Variants in ARHGAP24 observed in about 807,000 individuals in gnomAD.
The protein encoded by ARHGAP24 is Rho GTPase activating protein 24.
ARHGAP24 carries 50 observed loss-of-function variants against 76.4 expected under a neutral mutation model. The ratio of observed to expected loss-of-function variants is 0.65; its 90% CI spans 0.52 to 0.83. ARHGAP24 has a LOEUF of 0.83. ARHGAP24 is among the 40% of genes least tolerant of loss of function. The pLI, the probability that ARHGAP24 is intolerant of heterozygous loss-of-function variation, is 0.00. For missense variants in ARHGAP24, 930 were observed against 914.2 expected (o/e 1.02, Z -0.22); for synonymous variants, 345 against 323.3 (o/e 1.07, Z -0.72).
intron 3 of ARHGAP24, among the ~76,000 whole-genome samples, chr4:85,781,985 C>T (rs1037188031): frequency 7.1e-5 from 10 of 140,480 alleles, no homozygotes; most frequent in African/African-American, 2.7e-4. Flanking sequence ...TTCAGTGAGC[C>T]GAGATCACAC....
chr4:85,574,337 T>C (rs1727274579), intron 2 of ARHGAP24, among the ~76,000 whole-genome samples: 1 of 152,158 alleles, frequency 6.6e-6, no homozygotes, highest in South Asian at 2.1e-4. Flanking sequence ...ATGCTATGAG[T>C]ACACAGGTAC....
intron 1 of ARHGAP24, among the ~76,000 whole-genome samples, chr4:85,563,118 A>C (rs982507683): frequency 2.6e-5 from 4 of 152,168 alleles, no homozygotes; most frequent in African/African-American, 9.7e-5. Flanking sequence ...TGGAGCACAG[A>C]CTGAAATACA....
At chr4:85,775,093 C>A (rs565698934) in intron 3 of ARHGAP24, among the ~76,000 whole-genome samples, 111 of 152,098 alleles carry the variant, frequency 7.3e-4, no homozygotes, top group African/African-American at 2.6e-3. Context: ...TAAGGAAGAA[C>A]AAAAGATCAT....
intron 2 of ARHGAP24, among the ~76,000 whole-genome samples, chr4:85,651,780 A>T (rs980251901): frequency 7.9e-6 from 1 of 126,914 alleles, no homozygotes; most frequent in African/African-American, 3.2e-5. Flanking sequence ...AAGGCCATAT[A>T]TTTAATTAAA....
At chr4:85,536,139 C>CA (rs547074181) in intron 1 of ARHGAP24, among the ~76,000 whole-genome samples, 1,478 of 143,156 alleles carry the variant, frequency 0.01, 14 homozygotes, top group East Asian at 0.019. Flanking sequence ...TACTCCAGTA[C>CA]AAAAAAAAAA....
intron 1 of ARHGAP24, among the ~76,000 whole-genome samples, chr4:85,489,714 T>A (rs1319717770): frequency 1.3e-5 from 2 of 152,182 alleles, no homozygotes; most frequent in Non-Finnish European, 2.9e-5. Flanking sequence ...GAATACTAAA[T>A]ACTTAGATTT....
At chr4:85,500,981 T>C (rs1723787644) in intron 1 of ARHGAP24, among the ~76,000 whole-genome samples, 1 of 152,086 alleles carries the variant, frequency 6.6e-6, no homozygotes, top group African/African-American at 2.4e-5. Context: ...TTTGGTTTTC[T>C]GTCTTTGTGA....
chr4:85,854,416 T>C (rs1179648454), intron 3 of ARHGAP24, among the ~76,000 whole-genome samples: 1 of 152,192 alleles, frequency 6.6e-6, no homozygotes, highest in East Asian at 1.9e-4. Context: ...AAAATGATAA[T>C]GAGTAACATC....
chr4:85,744,896 G>A (rs1365679907), intron 3 of ARHGAP24, among the ~76,000 whole-genome samples: 3 of 152,144 alleles, frequency 2.0e-5, no homozygotes, highest in Non-Finnish European at 2.9e-5. Flanking sequence ...AATCATTAGA[G>A]GGAATTAGCC....
intron 4 of ARHGAP24, among the ~76,000 whole-genome samples, chr4:85,935,266 G>A (rs545915358): frequency 6.6e-6 from 1 of 152,298 alleles, no homozygotes; most frequent in South Asian, 2.1e-4. Flanking sequence ...TGCTGGGAAT[G>A]AGAAGGTAAA....
At chr4:85,715,149 A>G (rs1405348791) in intron 2 of ARHGAP24, among the ~76,000 whole-genome samples, 1 of 152,072 alleles carries the variant, frequency 6.6e-6, no homozygotes, top group Non-Finnish European at 1.5e-5. Flanking sequence ...AATCATCCTT[A>G]TCAACATCAA....
chr4:85,880,746 G>C (rs986610224), intron 3 of ARHGAP24, among the ~76,000 whole-genome samples: 161 of 152,240 alleles, frequency 1.1e-3, no homozygotes, highest in African/African-American at 3.6e-3. Context: ...AGCCAGGATG[G>C]TCTCGATCTC....
chr4:85,896,875 C>T (rs191819333), intron 3 of ARHGAP24, among the ~76,000 whole-genome samples: 184 of 152,254 alleles, frequency 1.2e-3, no homozygotes, highest in African/African-American at 4.1e-3. Flanking sequence ...CTATCATGCT[C>T]CCATAGTAGA....
At chr4:85,710,208 G>A (rs1163039340) in intron 2 of ARHGAP24, among the ~76,000 whole-genome samples, 3 of 151,960 alleles carry the variant, frequency 2.0e-5, no homozygotes, top group Admixed American at 2.0e-4. Flanking sequence ...GGTCGCACAC[G>A]TACAACCATC....
At position 85,805,869 on chromosome 4, in the gene ARHGAP24, T is replaced by TAATGTA. The variant is rs1362854522; in HGVS notation, c.268+83901_268+83906dup. Among the ~76,000 whole-genome samples the TAATGTA allele has an allele frequency of 2.6e-5, 4 of 152,192 alleles. No individual in the cohort carries two copies. The East Asian group carries it at 7.7e-4, about 29-fold the overall frequency. On this transcript the variant is annotated intron_variant, in intron 3 of 9. Transcript: ENST00000395184. ...TTCTTAACAAGCCTATTTGGAAATT[T>TAATGTA]AATGTAAATCAGGATCGTCTCTCTA...
intron 3 of ARHGAP24, among the ~76,000 whole-genome samples, chr4:85,838,153 T>G (rs1310086570): frequency 6.6e-6 from 1 of 152,202 alleles, no homozygotes; most frequent in Non-Finnish European, 1.5e-5. Context: ...GATGGGAAAT[T>G]GTGCAGATGA....
intron 5 of ARHGAP24, among the ~76,000 whole-genome samples, chr4:85,964,031 G>A (rs1279094696): frequency 6.6e-6 from 1 of 152,094 alleles, no homozygotes; most frequent in East Asian, 1.9e-4. Context: ...TATTGTGTTA[G>A]TGGAGGTGAG....
chr4:85,488,714 T>C (rs572902599), intron 1 of ARHGAP24, among the ~76,000 whole-genome samples: 1 of 152,306 alleles, frequency 6.6e-6, no homozygotes, highest in South Asian at 2.1e-4. Context: ...AGACATCTGA[T>C]GCATATAATG....
chr4:85,810,138 CT>C (rs1158985290), intron 3 of ARHGAP24, among the ~76,000 whole-genome samples: 1 of 152,170 alleles, frequency 6.6e-6, no homozygotes, highest in African/African-American at 2.4e-5. Flanking sequence ...CACAAGCTTT[CT>C]TTTTAAAAAT....
Sources: allele counts gnomAD v4.1 joint callset (sites outside exome capture counted in the v4.1 genomes callset), GRCh38; gene constraint gnomAD v4.1.1; transcripts MANE v1.5; gene names NCBI Gene and HGNC (gene_info 2026-07-23, HGNC 2026-07-21).